The following ADAMTSL1 variants were observed in gnomAD, a reference collection of about 807,000 sequenced individuals.
The protein encoded by ADAMTSL1 is ADAMTS like 1.
Under a neutral mutation model 201.8 loss-of-function variants are expected in ADAMTSL1, and 126 were observed. The ratio of observed to expected loss-of-function variants is 0.62; its 90% CI spans 0.54 to 0.72. The LOEUF (loss-of-function observed/expected upper bound fraction) is 0.72. Ranked by LOEUF, ADAMTSL1 falls within the 30% of genes least tolerant of loss-of-function variation. ADAMTSL1 has a pLI of 0.00. For synonymous variants in ADAMTSL1, 1,121 were observed against 903.4 expected (o/e 1.24, Z -4.32); for missense variants, 2,679 against 2,277.8 (o/e 1.18, Z -3.59).
chr9:18,483,688 A>C (rs1463166466), intron 1 of ADAMTSL1, among the ~76,000 whole-genome samples: 2 of 151,966 alleles, frequency 1.3e-5, no homozygotes, highest in Non-Finnish European at 2.9e-5. Context: ...TTACCCGGGC[A>C]TGGTGGCGGG....
chr9:18,208,088 G>A (rs1340623572), intron 2 of ADAMTSL1, among the ~76,000 whole-genome samples: 1 of 152,064 alleles, frequency 6.6e-6, no homozygotes, highest in Non-Finnish European at 1.5e-5. Context: ...TGGAGACAGT[G>A]ATGTACATTT....
In ADAMTSL1 at chr9:18,892,502, A is replaced by T; in HGVS notation, c.4757A>T (p.Asn1586Ile). ...KASGISTPVS[N>I]DMCTQVAKRP... ...TCTGGGATCTCCACCCCTGTGTCCA[A>T]TGACATGTGCACCCAGGTCGCCAAG... The change falls in exon 26 of 29, where the codon AAT becomes ATT. Residue 1586 changes from asparagine to isoleucine, a missense_variant. Asn to Ile is a moderately radical substitution (Grantham distance 149). Coordinates refer to ENST00000380548, the MANE Select transcript of ADAMTSL1 (RefSeq NM_001040272.6). 1 of 1,607,284 alleles carries T rather than the reference A, an allele frequency of 6.2e-7. No individual in the cohort carries two copies.
chr9:18,021,869 C>A (rs1441975730), intron 1 of ADAMTSL1, among the ~76,000 whole-genome samples: 1 of 152,034 alleles, frequency 6.6e-6, no homozygotes, highest in Non-Finnish European at 1.5e-5. Context: ...ACATATCTGA[C>A]AAACTGTAAT....
chr9:18,413,573 A>G (rs1371641145), intron 2 of ADAMTSL1, among the ~76,000 whole-genome samples: 1 of 152,130 alleles, frequency 6.6e-6, no homozygotes, highest in Non-Finnish European at 1.5e-5. Flanking sequence ...AATTTTAAAT[A>G]TTTTCCATAG....
chr9:18,131,982 T>A (rs780390383), intron 1 of ADAMTSL1, among the ~76,000 whole-genome samples: 1 of 152,186 alleles, frequency 6.6e-6, no homozygotes, highest in Non-Finnish European at 1.5e-5. Flanking sequence ...AATCCCATCT[T>A]GTAACATCAG....
chr9:18,553,541 TC>T (rs1367934184), intron 3 of ADAMTSL1, among the ~76,000 whole-genome samples: 2 of 151,826 alleles, frequency 1.3e-5, no homozygotes, highest in African/African-American at 4.8e-5. Context: ...AGATCATAGA[TC>T]TTCAAATATT....
At chr9:18,660,535 A>G (rs569606918) in intron 8 of ADAMTSL1, among the ~76,000 whole-genome samples, 43 of 152,332 alleles carry the variant, frequency 2.8e-4, no homozygotes, top group African/African-American at 9.1e-4. Flanking sequence ...TCAGATTAAT[A>G]ATTTACTGCA....
Position 18,694,116 on chromosome 9 carries a change from C to T in ADAMTSL1, c.1574+9316C>T, listed in dbSNP as rs533543435. Among the ~76,000 whole-genome samples the T allele has an allele frequency of 7.4e-4, 112 of 152,190 alleles. 1 individual carries two copies. Among genetic ancestry groups the T allele is most frequent in the African/African-American group, 2.6e-3 (106 of 41,522 alleles). ...TACACAATTTTAAACAACCAGATCTCGTGAGAACTCACCATCACGAGAACA... is the reference window on the plus strand; with the variant it reads ...TACACAATTTTAAACAACCAGATCTTGTGAGAACTCACCATCACGAGAACA... On this transcript the variant is annotated intron_variant, in intron 13 of 28. Transcript: ENST00000380548.
At chr9:18,423,423 T>C (rs529329433) in intron 2 of ADAMTSL1, among the ~76,000 whole-genome samples, 14 of 152,372 alleles carry the variant, frequency 9.2e-5, no homozygotes, top group African/African-American at 3.1e-4. Context: ...TTCACACTCT[T>C]ATCCCCATTA....
chr9:18,450,899 CAA>C (rs558269115), intron 2 of ADAMTSL1, among the ~76,000 whole-genome samples: 1 of 152,050 alleles, frequency 6.6e-6, no homozygotes, highest in Non-Finnish European at 1.5e-5. Flanking sequence ...TTTGCTTTTA[CAA>C]AAAAATTGTA....
At chr9:18,696,610 G>A (rs1831564355) in intron 13 of ADAMTSL1, among the ~76,000 whole-genome samples, 1 of 152,110 alleles carries the variant, frequency 6.6e-6, no homozygotes, top group Non-Finnish European at 1.5e-5. Flanking sequence ...GAAAGACGAT[G>A]TTATCTTCAG....
intron 1 of ADAMTSL1, 56 bp downstream of exon 1, chr9:18,474,351 G>C: frequency 6.4e-7 from 1 of 1,567,380 alleles, no homozygotes; most frequent in South Asian, 1.1e-5. Context: ...GGGTGCTGTT[G>C]GGGGTGTGTG....
intron 12 of ADAMTSL1, among the ~76,000 whole-genome samples, chr9:18,683,444 G>T (rs1830642720): frequency 6.6e-6 from 1 of 151,794 alleles, no homozygotes; most frequent in South Asian, 2.1e-4. Context: ...TGTTGCCCAG[G>T]CTGGTCTCGA....
intron 21 of ADAMTSL1, among the ~76,000 whole-genome samples, chr9:18,822,675 T>A (rs1563830550): frequency 6.6e-6 from 1 of 152,194 alleles, no homozygotes; most frequent in Non-Finnish European, 1.5e-5. Flanking sequence ...TTAATCTCTA[T>A]GAGACCCTTT....
At chr9:18,047,329 A>G (rs987630728) in intron 1 of ADAMTSL1, among the ~76,000 whole-genome samples, 1 of 152,162 alleles carries the variant, frequency 6.6e-6, no homozygotes, top group Non-Finnish European at 1.5e-5. Context: ...ATGTCTGAAG[A>G]TGTTCTTGGT....
chr9:18,228,406 C>A (rs1174774610), intron 2 of ADAMTSL1, among the ~76,000 whole-genome samples: 2 of 151,708 alleles, frequency 1.3e-5, no homozygotes, highest in Non-Finnish European at 2.9e-5. Context: ...AAGGTAAATT[C>A]TTCTCCTTCT....
At chr9:18,490,145 C>T (rs1006483303) in intron 1 of ADAMTSL1, among the ~76,000 whole-genome samples, 2 of 152,150 alleles carry the variant, frequency 1.3e-5, no homozygotes, top group African/African-American at 4.8e-5. Flanking sequence ...TGTGTCCTGG[C>T]ACACTGAGAC....
chr9:18,140,491 T>C (rs1826352634), intron 1 of ADAMTSL1, among the ~76,000 whole-genome samples: 3 of 152,150 alleles, frequency 2.0e-5, no homozygotes, highest in Admixed American at 2.0e-4. Context: ...TGGACACACA[T>C]GTGTGAAATG....
chr9:18,196,518 C>G (rs548933726), intron 2 of ADAMTSL1, among the ~76,000 whole-genome samples: 7 of 152,206 alleles, frequency 4.6e-5, no homozygotes, highest in East Asian at 1.9e-4. Flanking sequence ...CTACCTGGTA[C>G]GGCAGGGATG....
Sources: allele counts gnomAD v4.1 joint callset (sites outside exome capture counted in the v4.1 genomes callset), GRCh38; gene constraint gnomAD v4.1.1; transcripts MANE v1.5; gene names NCBI Gene and HGNC (gene_info 2026-07-23, HGNC 2026-07-21).